DSE: variants seen among roughly 807,000 people sequenced by gnomAD.
DSE encodes the protein dermatan sulfate epimerase, also known as dermatan-sulfate epimerase.
DSE carries 36 observed loss-of-function variants against 84.4 expected under a neutral mutation model. That is an observed-to-expected ratio of 0.43 (90% CI 0.33 to 0.56). DSE has a LOEUF of 0.56. Among genes scored for constraint, DSE ranks in the 20% least tolerant of loss-of-function variants. The pLI is 0.06. For missense variants in DSE, 862 were observed against 1,169.6 expected, an observed-to-expected ratio of 0.74 and a Z score of 3.84; for synonymous variants, 410 against 430.1, an observed-to-expected ratio of 0.95 and a Z score of 0.58.
chr6:116,317,273 C>T (rs1776037897), intron 2 of DSE, among the ~76,000 whole-genome samples: 1 of 152,200 alleles, frequency 6.6e-6, no homozygotes, highest in Admixed American at 6.5e-5. Context: ...GAATGTGGAC[C>T]TCAGTGGATT....
chr6:116,340,679 C>T (rs1405452541), intron 2 of DSE, among the ~76,000 whole-genome samples: 6 of 151,974 alleles, frequency 3.9e-5, no homozygotes, highest in South Asian at 2.1e-4. Flanking sequence ...TGATGTTCCC[C>T]GCCCTGTGTC....
Position 116,376,177 on chromosome 6 carries a change from G to A in DSE, c.-54+5056G>A, listed in dbSNP as rs1184009530. Among the ~76,000 whole-genome samples, 3 of 152,072 alleles carry A rather than the reference G, an allele frequency of 2.0e-5. No individual in the cohort carries two copies. In the South Asian group the frequency reaches 6.2e-4, roughly 32 times the overall value. On this transcript the variant is annotated intron_variant, in intron 1 of 5. Coordinates refer to ENST00000644252, the MANE Select transcript of DSE (RefSeq NM_013352.4). ...CTGGCTATTTACAGACCCCCTTTCC[G>A]CAGCCCCGTCCTCTTCCACTTCTCT...
chr6:116,350,661 T>A (rs1778253885), intron 2 of DSE, among the ~76,000 whole-genome samples: 1 of 152,216 alleles, frequency 6.6e-6, no homozygotes, highest in Admixed American at 6.5e-5. Flanking sequence ...GTAATTTTGA[T>A]ATTTAAGACT....
chr6:116,312,026 A>G (rs1169617629), intron 2 of DSE, among the ~76,000 whole-genome samples: 1 of 152,180 alleles, frequency 6.6e-6, no homozygotes, highest in Non-Finnish European at 1.5e-5. Flanking sequence ...TTTGTATAAG[A>G]GAGTAGAAGT....
rs1287409266 is a variant in DSE, at chr6:116,442,038, T to C, written c.*4693T>C. On this transcript the variant is annotated 3_prime_UTR_variant, in exon 6 of 6. Transcript: ENST00000644252. Reference sequence around the variant, plus strand: ...GTAAGGTGATGGTGAATTGGTACTGTCCCATAAACAGTGGTTTCTGATGTG... The same window carrying C: ...GTAAGGTGATGGTGAATTGGTACTGCCCCATAAACAGTGGTTTCTGATGTG... The C allele has an allele frequency of 6.6e-6, 1 of 152,244 alleles. No homozygotes were observed. Among genetic ancestry groups the C allele is most frequent in the African/African-American group, 2.4e-5 (1 of 41,418 alleles). 9.4% of individuals were successfully genotyped at this position (152,244 alleles called of 1,614,324 possible).
chr6:116,279,690 C>T lies in DSE; in HGVS notation c.-54+20723C>T, dbSNP rs370977894. The T allele has an allele frequency of 3.1e-6, 5 of 1,610,178 alleles. No homozygotes were observed. The African/African-American group carries it at 6.7e-5, about 21-fold the overall frequency. ...TCTCCGAGCCTCCCTCACCCGGCTCCGCCATCACCTGTGTCGCCTCGCTTT... is the reference window on the plus strand; with the variant it reads ...TCTCCGAGCCTCCCTCACCCGGCTCTGCCATCACCTGTGTCGCCTCGCTTT... On this transcript the variant is annotated intron_variant, in intron 2 of 3. Coordinates refer to the DSE transcript ENST00000430252.
intron 5 of DSE, 61 bp downstream of exon 5, chr6:116,433,611 G>T (rs990913121): frequency 7.1e-5 from 106 of 1,496,384 alleles, no homozygotes; most frequent in Non-Finnish European, 5.0e-5. Context: ...TTCATGCTAT[G>T]CACTTGTTTT....
chr6:116,371,208 C>A (rs1365620039), intron 1 of DSE, 87 bp downstream of exon 1: 5 of 984,932 alleles, frequency 5.1e-6, no homozygotes, highest in South Asian at 4.7e-5. Flanking sequence ...TCGGGGCTGT[C>A]CCGGCGCGGG....
intron 2 of DSE, among the ~76,000 whole-genome samples, chr6:116,352,726 A>G (rs920639160): frequency 3.3e-5 from 5 of 152,204 alleles, no homozygotes; most frequent in Non-Finnish European, 5.9e-5. Context: ...GAGTTTACTC[A>G]TTCCAATAAC....
chr6:116,372,656 CG>C (rs1779672701), intron 1 of DSE, among the ~76,000 whole-genome samples: 1 of 152,100 alleles, frequency 6.6e-6, no homozygotes, highest in Non-Finnish European at 1.5e-5. Context: ...CTTCCTTTGA[CG>C]GTCACGATAC....
intron 2 of DSE, among the ~76,000 whole-genome samples, chr6:116,402,743 A>C (rs1418238564): frequency 2.6e-5 from 4 of 152,172 alleles, no homozygotes; most frequent in Admixed American, 2.6e-4. Context: ...TTTCCATTAA[A>C]ACGTTCATTG....
chr6:116,432,554 TTG>T (rs1783907791), intron 4 of DSE: 1 of 152,104 alleles, frequency 6.6e-6, no homozygotes, highest in Non-Finnish European at 1.5e-5. Flanking sequence ...ATAAATATAA[TTG>T]TGGTAACATT....
At chr6:116,310,592 C>T (rs985770969) in intron 2 of DSE, among the ~76,000 whole-genome samples, 7 of 152,104 alleles carry the variant, frequency 4.6e-5, no homozygotes, top group Non-Finnish European at 8.8e-5. Context: ...CTTCATTTCC[C>T]TCTTTTTCCT....
chr6:116,281,258 G>A lies in DSE; in HGVS notation c.-54+22291G>A, dbSNP rs571267488. On this transcript the variant is annotated intron_variant, in intron 2 of 3. Transcript: ENST00000430252. ...ATCGTAGGAATAAAGGCAGCCTCTA[G>A]AAGCTTGAAAGGTAAGGAAATAGAT... is the stretch of plus-strand genomic sequence containing the variant. Among the ~76,000 whole-genome samples the A allele has an allele frequency of 2.3e-4, 35 of 152,256 alleles. 1 individual carries two copies. In the South Asian group the frequency reaches 7.0e-3, roughly 31 times the overall value.
At chr6:116,347,478 A>G (rs1431984804) in intron 2 of DSE, among the ~76,000 whole-genome samples, 1 of 152,190 alleles carries the variant, frequency 6.6e-6, no homozygotes, top group Non-Finnish European at 1.5e-5. Context: ...GAGCCCTCAG[A>G]AATAATACCA....
intron 2 of DSE, among the ~76,000 whole-genome samples, chr6:116,270,573 G>GA (rs1772835826): frequency 6.6e-6 from 1 of 152,038 alleles, no homozygotes; most frequent in Non-Finnish European, 1.5e-5. Context: ...TATTTCTCTG[G>GA]AAAGTACAAC....
At chr6:116,278,317 G>A (rs998775950) in intron 2 of DSE, 17 of 633,280 alleles carry the variant, frequency 2.7e-5, no homozygotes, top group Admixed American at 1.4e-4. Flanking sequence ...ACAGCATGAA[G>A]GTCATATGGA....
At chr6:116,384,805 A>G (rs1780473510) in intron 1 of DSE, among the ~76,000 whole-genome samples, 1 of 152,310 alleles carries the variant, frequency 6.6e-6, no homozygotes, top group East Asian at 1.9e-4. Context: ...TATAGCAGAA[A>G]GCAAAGTGCC....
In DSE at chr6:116,437,729, A is replaced by G. The variant is rs1290861267; in HGVS notation, c.*384A>G. 4 of 157,108 alleles carry G rather than the reference A, an allele frequency of 2.5e-5. No individual in the cohort carries two copies. Among genetic ancestry groups the G allele is most frequent in the Non-Finnish European group, 4.2e-5 (3 of 71,614 alleles). The allele number at this position is 157,108 out of a possible 1,614,324, so 9.7% of individuals were successfully genotyped here. ...ATGCTATTAGCAATTTCCATATACT[A>G]TATTGTGGAAAAGACTGAAGAATAC... is the stretch of plus-strand genomic sequence containing the variant. On this transcript the variant is annotated 3_prime_UTR_variant, in exon 6 of 6. Transcript: ENST00000644252.
Sources: allele counts gnomAD v4.1 joint callset (sites outside exome capture counted in the v4.1 genomes callset), GRCh38; gene constraint gnomAD v4.1.1; transcripts MANE v1.5; gene names NCBI Gene and HGNC (gene_info 2026-07-23, HGNC 2026-07-21).